CTNNA3: variants seen among roughly 807,000 people sequenced by gnomAD.
CTNNA3 encodes catenin alpha 3.
CTNNA3 carries 76 observed loss-of-function variants against 95.7 expected under a neutral mutation model. The ratio of observed to expected loss-of-function variants is 0.79; its 90% CI spans 0.66 to 0.96. The LOEUF is 0.96. Ranked by LOEUF, CTNNA3 falls within the 40% of genes least tolerant of loss-of-function variation. The pLI is 0.00. For synonymous variants in CTNNA3, 431 were observed against 374.4 expected (o/e 1.15, Z -1.74); for missense variants, 1,191 against 1,089.8 (o/e 1.09, Z -1.31).
chr10:67,679,142 T>C (rs2133565148), intron 1 of CTNNA3, among the ~76,000 whole-genome samples: 1 of 152,282 alleles, frequency 6.6e-6, no homozygotes, highest in South Asian at 2.1e-4. Flanking sequence ...AAATGACCAT[T>C]TCTGGGTATA....
chr10:67,729,638 TA>T (rs1205359882), intron 1 of CTNNA3, among the ~76,000 whole-genome samples: 1 of 152,114 alleles, frequency 6.6e-6, no homozygotes, highest in Non-Finnish European at 1.5e-5. Context: ...CAGAATATAA[TA>T]AATTGGTTAT....
intron 13 of CTNNA3, among the ~76,000 whole-genome samples, chr10:66,127,317 A>G (rs2082876663): frequency 6.6e-6 from 1 of 151,630 alleles, no homozygotes; most frequent in South Asian, 2.1e-4. Context: ...TATAGTGTAG[A>G]TACTACAACC....
chr10:66,549,491 G>C (rs1842147773), intron 10 of CTNNA3, among the ~76,000 whole-genome samples: 1 of 151,926 alleles, frequency 6.6e-6, no homozygotes, highest in South Asian at 2.1e-4. Context: ...CTATTTCATT[G>C]ATTTCTACTT....
intron 7 of CTNNA3, among the ~76,000 whole-genome samples, chr10:66,904,124 C>CGTA (rs1439713449): frequency 6.6e-6 from 1 of 152,170 alleles, no homozygotes; most frequent in Admixed American, 6.5e-5. Context: ...TCAAACTATA[C>CGTA]TACAAGGCAA....
chr10:67,198,121 T>A lies in CTNNA3; in HGVS notation c.844-17601A>T, dbSNP rs114154488. On this transcript the variant is annotated intron_variant, in intron 6 of 17. Coordinates refer to ENST00000433211, the MANE Select transcript of CTNNA3 (RefSeq NM_013266.4). ...AATTATGATTAATTTAATTTTAAAT[T>A]GAAAAGCCACATGTGAGTAGTGGCT... 4.2e-3 allele frequency among the ~76,000 whole-genome samples: 642 copies of A among 152,318 alleles called. 6 individuals carry two copies. Among genetic ancestry groups the A allele is most frequent in the African/African-American group, 0.015 (619 of 41,568 alleles).
intron 1 of CTNNA3, among the ~76,000 whole-genome samples, chr10:67,670,193 T>C (rs1381886928): frequency 6.6e-6 from 1 of 152,188 alleles, no homozygotes; most frequent in Non-Finnish European, 1.5e-5. Flanking sequence ...ACTGAGGCTA[T>C]ATTAGAAAGA....
Position 67,606,937 on chromosome 10 carries a change from T to C in CTNNA3, c.212A>G (p.Asp71Gly). 2 of 1,614,090 alleles carry C rather than the reference T, an allele frequency of 1.2e-6. No individual in the cohort carries two copies. Among genetic ancestry groups the C allele is most frequent in the Non-Finnish European group, 1.7e-6 (2 of 1,179,922 alleles). Residue 71 changes from aspartate (D) to glycine (G), a missense_variant, in exon 3 of 18, where the codon GAC (aspartate) becomes GGC (glycine). By Grantham distance (94) the Asp-to-Gly change is moderately conservative. Transcript: ENST00000433211. ...TTCCTGGGCAATCTTCTCTCCCTTG[T>C]CTAATAAATTCCAAGTTGCTTCCTC... ...SVEEATWNLLDKGEKIAQEAT... is the reference protein window; with the variant it reads ...SVEEATWNLLGKGEKIAQEAT...
At chr10:66,861,643 T>A (rs1001894575) in intron 7 of CTNNA3, among the ~76,000 whole-genome samples, 1 of 152,202 alleles carries the variant, frequency 6.6e-6, no homozygotes, top group South Asian at 2.1e-4. Flanking sequence ...AACCCTACAA[T>A]AATAAATGAT....
At chr10:66,896,931 A>G (rs891517693) in intron 7 of CTNNA3, among the ~76,000 whole-genome samples, 3 of 152,148 alleles carry the variant, frequency 2.0e-5, no homozygotes, top group Non-Finnish European at 2.9e-5. Context: ...AGTCCTTACC[A>G]TTGAGGAGCA....
chr10:67,268,565 T>A (rs1383271088), intron 5 of CTNNA3, among the ~76,000 whole-genome samples: 1 of 152,024 alleles, frequency 6.6e-6, no homozygotes, highest in Non-Finnish European at 1.5e-5. Context: ...TTTTTGTTTT[T>A]CAAAATGAGA....
At chr10:67,190,147 C>T (rs1684338699) in intron 6 of CTNNA3, among the ~76,000 whole-genome samples, 1 of 151,860 alleles carries the variant, frequency 6.6e-6, no homozygotes, top group South Asian at 2.1e-4. Flanking sequence ...TCTATGGCCT[C>T]TAGAAACAGA....
chr10:66,005,185 T>C (rs181777601), intron 15 of CTNNA3, among the ~76,000 whole-genome samples: 2 of 152,336 alleles, frequency 1.3e-5, no homozygotes, highest in Middle Eastern at 3.4e-3. Flanking sequence ...AAGACTCCTA[T>C]AATATCATTG....
intron 13 of CTNNA3, among the ~76,000 whole-genome samples, chr10:66,269,659 C>T (rs1421986565): frequency 6.6e-6 from 1 of 152,014 alleles, no homozygotes; most frequent in South Asian, 2.1e-4. Flanking sequence ...CTTTTTAGAG[C>T]TTATAACACC....
At chr10:67,530,838 C>A (rs1840302210) in intron 4 of CTNNA3, among the ~76,000 whole-genome samples, 1 of 152,178 alleles carries the variant, frequency 6.6e-6, no homozygotes, top group Non-Finnish European at 1.5e-5. Flanking sequence ...TTTCATGGGC[C>A]AAGCCCAAGG....
At chr10:66,338,259 T>G (rs1455579525) in intron 12 of CTNNA3, among the ~76,000 whole-genome samples, 1 of 151,930 alleles carries the variant, frequency 6.6e-6, no homozygotes, top group East Asian at 1.9e-4. Context: ...AAATTTAAAC[T>G]CACCAAAAGT....
At position 66,071,830 on chromosome 10, in the gene CTNNA3, CTTT is replaced by C. The variant is rs769731082; in HGVS notation, c.1978-2344_1978-2342del. Among the ~76,000 whole-genome samples the C allele has an allele frequency of 3.9e-4, 59 of 152,246 alleles. No individual in the cohort carries two copies. The Middle Eastern group carries it at 0.01, about 26-fold the overall frequency. On this transcript the variant is annotated intron_variant, in intron 14 of 17. Transcript: ENST00000433211. ...ATTACTTACACAAATAGATTCAGTT[CTTT>C]ACTCTCTGCAGTGAATCTCAGAACT...
intron 12 of CTNNA3, among the ~76,000 whole-genome samples, chr10:66,287,925 A>G (rs1299281773): frequency 1.3e-5 from 2 of 152,086 alleles, no homozygotes; most frequent in Admixed American, 6.6e-5. Context: ...GAATACCCAG[A>G]GAGTATTGAG....
intron 11 of CTNNA3, among the ~76,000 whole-genome samples, chr10:66,442,808 T>C (rs10997129): frequency 4.6e-5 from 7 of 150,950 alleles, no homozygotes; most frequent in African/African-American, 1.7e-4. Flanking sequence ...AGACAGTGGG[T>C]GCAGGACAGT....
At chr10:67,514,722 T>TG (rs1036579343) in intron 5 of CTNNA3, among the ~76,000 whole-genome samples, 2 of 147,588 alleles carry the variant, frequency 1.4e-5, no homozygotes, top group Non-Finnish European at 3.0e-5. Flanking sequence ...TTTTTGTTGT[T>TG]TTTTTTTTTT....
Sources: gnomAD v4.1 joint callset for allele counts (sites outside exome capture counted in the v4.1 genomes callset) on GRCh38, gnomAD v4.1.1 for gene constraint, MANE v1.5 for transcripts, NCBI Gene and HGNC (gene_info 2026-07-23, HGNC 2026-07-21) for gene names.